The following PEX2 variants were observed in gnomAD, a reference collection of about 807,000 sequenced individuals.
PEX2 encodes the protein peroxisome biogenesis factor 2.
In PEX2, 19 loss-of-function variants were observed where a neutral mutation model predicts 25.2. The ratio of observed to expected loss-of-function variants is 0.75; its 90% CI spans 0.53 to 1.10. The LOEUF is 1.10. Among genes scored for constraint, PEX2 ranks in the 50% least tolerant of loss-of-function variants. The probability of loss-of-function intolerance (pLI) is 0.00; values close to 1 mark genes in which losing one functional copy is unlikely to be tolerated. For missense variants in PEX2, 347 were observed against 350.6 expected, an observed-to-expected ratio of 0.99 and a Z score of 0.08; for synonymous variants, 141 against 127.7, an observed-to-expected ratio of 1.10 and a Z score of -0.70.
At chr8:76,996,778 T>G (rs1807345599) in intron 1 of PEX2, among the ~76,000 whole-genome samples, 1 of 149,690 alleles carries the variant, frequency 6.7e-6, no homozygotes, top group East Asian at 1.9e-4. Flanking sequence ...TACAAGGCAC[T>G]ACAACTTTTC....
At chr8:76,992,690 T>C (rs1329410259) in intron 1 of PEX2, among the ~76,000 whole-genome samples, 2 of 152,246 alleles carry the variant, frequency 1.3e-5, no homozygotes, top group Non-Finnish European at 1.5e-5. Flanking sequence ...TAGTGAATTC[T>C]AATTCTCTGA....
At chr8:76,999,722 C>T in intron 1 of PEX2, 1 of 395,520 alleles carries the variant, frequency 2.5e-6, no homozygotes, top group South Asian at 1.8e-5. Flanking sequence ...TAAGTTACTA[C>T]GTGGAATGCA....
At position 76,983,003 on chromosome 8, in the gene PEX2, C is replaced by G. The variant is rs1806881319; in HGVS notation, c.*258G>C. 1.0e-6 allele frequency: 1 copy of G among 957,076 alleles called. No individual in the cohort carries two copies. The highest frequency in any genetic ancestry group is 2.1e-5 in the South Asian group (1 of 48,592). 59.3% of individuals were successfully genotyped at this position (957,076 alleles called of 1,614,324 possible). On this transcript the variant is annotated 3_prime_UTR_variant, in exon 4 of 4. Transcript: ENST00000357039. ...ATGAAGGAGCATTGTTAGTAGTCACCTGACAAAAGCTGTCCATTATTCTTG... is the reference window on the plus strand; with the variant it reads ...ATGAAGGAGCATTGTTAGTAGTCACGTGACAAAAGCTGTCCATTATTCTTG...
chr8:76,984,307 T>C (rs1806941709), intron 3 of PEX2, 112 bp from the exon 4 acceptor site: 3 of 813,458 alleles, frequency 3.7e-6, no homozygotes, highest in East Asian at 5.0e-5. Flanking sequence ...ACATAGGCGA[T>C]GAGCGTTTCA....
At chr8:76,984,227 A>G in intron 3 of PEX2, 32 bp from the exon 4 acceptor site, 1 of 1,564,588 alleles carries the variant, frequency 6.4e-7, no homozygotes, top group Non-Finnish European at 8.8e-7. Context: ...GAACATTAGC[A>G]AAGAGTTGCA....
chr8:76,983,045 G>A lies in PEX2; in HGVS notation c.*216C>T. On this transcript the variant is annotated 3_prime_UTR_variant, in exon 4 of 4. Coordinates refer to ENST00000357039, the MANE Select transcript of PEX2 (RefSeq NM_000318.3). ...TTATTCTTGACATTAAAAATTGAAT[G>A]CAATGATTTAAAAAACATAATACAT... 7.8e-7 allele frequency: 1 copy of A among 1,284,892 alleles called. No homozygotes were observed. The highest frequency in any genetic ancestry group is 1.0e-6 in the Non-Finnish European group (1 of 977,502). 79.6% of individuals were successfully genotyped at this position (1,284,892 alleles called of 1,614,324 possible).
chr8:76,991,411 G>C (rs1219564253), intron 1 of PEX2, among the ~76,000 whole-genome samples: 1 of 151,756 alleles, frequency 6.6e-6, no homozygotes, highest in Non-Finnish European at 1.5e-5. Context: ...TGTAGATTAG[G>C]AACAGCTGGG....
chr8:77,000,338 G>T (rs921390046), upstream of PEX2: 2 of 230,906 alleles, frequency 8.7e-6, no homozygotes, highest in African/African-American at 5.0e-5. Flanking sequence ...GAACCGGTCA[G>T]CCCCGGGTCA....
chr8:76,984,311 C>T lies in PEX2; in HGVS notation c.-17-116G>A, dbSNP rs527695198. The T allele has an allele frequency of 2.9e-4, 226 of 770,024 alleles. No individual in the cohort carries two copies. In the East Asian group the frequency reaches 3.0e-3, roughly 10 times the overall value. 47.7% of individuals were successfully genotyped at this position (770,024 alleles called of 1,614,324 possible). A position where few individuals can be genotyped will look rare whatever the true frequency, so the allele number is the denominator to read the frequency against. The stretch of plus-strand genomic sequence containing the variant: ...TTACACAGGACACATAGGCGATGAG[C>T]GTTTCAGTAGTCTCAAATAGTACAG... On this transcript the variant is annotated intron_variant, in intron 3 of 3. Transcript: ENST00000357039.
intron 2 of PEX2, chr8:76,986,587 A>G (rs763934352): frequency 6.6e-6 from 1 of 152,322 alleles, no homozygotes; most frequent in South Asian, 2.1e-4. Context: ...TTCCTTACGC[A>G]TCACATCCAG....
Position 76,983,492 on chromosome 8 carries a change from A to G in PEX2, c.687T>C (p.Gly229=). 1.2e-6 allele frequency: 2 copies of G among 1,614,154 alleles called. No homozygotes were observed. Among genetic ancestry groups the G allele is most frequent in the Non-Finnish European group, 1.7e-6 (2 of 1,180,008 alleles). ...CTAATGTATTGTCACTATTAGGTGC[A>G]CCAGTAAGAGGAATACACCATGAAG... ...KLSSWCIPLT[G]APNSDNTLAT... is the part of the protein sequence containing the mutation. The change falls in exon 4 of 4, where the codon GGT becomes GGC. Residue 229 remains glycine, a synonymous_variant. Coordinates refer to ENST00000357039, the MANE Select transcript of PEX2 (RefSeq NM_000318.3).
rs1806829088 is a variant in PEX2, at chr8:76,981,582, T to C, written c.*1679A>G. On this transcript the variant is annotated 3_prime_UTR_variant, in exon 4 of 4. Coordinates refer to ENST00000357039, the MANE Select transcript of PEX2 (RefSeq NM_000318.3). ...AGTAGGGAGCCTGGGATTACAGGCA[T>C]GAGCCATTGTGCTCAGCCCTAAAAT... 1 of 152,228 alleles carries C rather than the reference T, an allele frequency of 6.6e-6. No homozygotes were observed. The highest frequency in any genetic ancestry group is 1.5e-5 in the Non-Finnish European group (1 of 68,042). The allele number at this position is 152,228 out of a possible 1,614,324, so 9.4% of individuals were successfully genotyped here.
At position 76,984,053 on chromosome 8, in the gene PEX2, A is replaced by G; in HGVS notation, c.126T>C (p.His42=). 1.2e-6 allele frequency: 2 copies of G among 1,612,864 alleles called. No individual in the cohort carries two copies. The highest frequency in any genetic ancestry group is 1.7e-6 in the Non-Finnish European group (2 of 1,179,272). Residue 42 remains histidine, a synonymous_variant, in exon 4 of 4, where the codon CAT becomes CAC. Coordinates refer to ENST00000357039, the MANE Select transcript of PEX2 (RefSeq NM_000318.3). ...GAGCTAACAGCCCAGGTTTAAATCCATGAAAGCACTGAGTAAACTGGGACC... is the reference window on the plus strand; with the variant it reads ...GAGCTAACAGCCCAGGTTTAAATCCGTGAAAGCACTGAGTAAACTGGGACC... ...LVWSQFTQCF[H]GFKPGLLARF... is the part of the protein sequence containing the mutation.
intron 2 of PEX2, chr8:76,986,624 A>C (rs1172247881): frequency 4.6e-5 from 7 of 152,110 alleles, no homozygotes; most frequent in African/African-American, 9.7e-5. Flanking sequence ...TCTCCTGTTC[A>C]CCAGTAGACT....
upstream of PEX2, chr8:77,000,372 A>AATGTCGAGGACACTACT: frequency 5.1e-6 from 1 of 195,044 alleles, no homozygotes; most frequent in Non-Finnish European, 1.1e-5. Context: ...AGGACACTAC[A>AATGTCGAGGACACTACT]AGTGTCGAGG....
At chr8:76,997,385 A>C (rs1807368507) in intron 1 of PEX2, among the ~76,000 whole-genome samples, 1 of 152,238 alleles carries the variant, frequency 6.6e-6, no homozygotes, top group Admixed American at 6.5e-5. Flanking sequence ...TCTGGCCAAC[A>C]TGGTGAAACC....
In PEX2 at chr8:76,999,710, CTT is replaced by C. The variant is rs554501226; in HGVS notation, c.-160+278_-160+279del. 32 of 384,444 alleles carry C rather than the reference CTT, an allele frequency of 8.3e-5. No individual in the cohort carries two copies. The East Asian group carries it at 1.2e-3, about 15-fold the overall frequency. The allele number at this position is 384,444 out of a possible 1,614,324, so 23.8% of individuals were successfully genotyped here. ...GAGAAAAAGATTTCGAAGTTCGTCT[CTT>C]AAGTTACTACGTGGAATGCAGAGGG... On this transcript the variant is annotated intron_variant, in intron 1 of 3. Coordinates refer to ENST00000357039, the MANE Select transcript of PEX2 (RefSeq NM_000318.3).
chr8:76,995,172 G>A (rs914568488), intron 1 of PEX2, among the ~76,000 whole-genome samples: 26 of 152,104 alleles, frequency 1.7e-4, no homozygotes, highest in African/African-American at 5.8e-4. Context: ...CTACTTTCTC[G>A]TTCCTCTCTT....
rs1278962120 is a variant in PEX2, at chr8:76,980,864, A to T, written c.*2397T>A. 1 of 152,228 alleles carries T rather than the reference A, an allele frequency of 6.6e-6. No homozygotes were observed. Among genetic ancestry groups the T allele is most frequent in the Non-Finnish European group, 1.5e-5 (1 of 68,044 alleles). The allele number at this position is 152,228 out of a possible 1,614,324, so 9.4% of individuals were successfully genotyped here. ...AACATGTAATCCTTACAATGAACAG[A>T]TGTGCAGAGATGTGGCACATTGCCC... On this transcript the variant is annotated 3_prime_UTR_variant, in exon 4 of 4. Transcript: ENST00000357039.
Sources: gnomAD v4.1 joint callset for allele counts (sites outside exome capture counted in the v4.1 genomes callset) on GRCh38, gnomAD v4.1.1 for gene constraint, MANE v1.5 for transcripts, NCBI Gene and HGNC (gene_info 2026-07-23, HGNC 2026-07-21) for gene names.